PTPRN2: variants seen among roughly 807,000 people sequenced by gnomAD.
The protein encoded by PTPRN2 is protein tyrosine phosphatase receptor type N2.
A neutral mutation model predicts 118.8 loss-of-function variants in PTPRN2; 74 were observed. That is an observed-to-expected ratio of 0.62 (90% CI 0.52 to 0.76). PTPRN2 has a LOEUF of 0.76. PTPRN2 is among the 30% of genes least tolerant of loss of function. The pLI, the probability that PTPRN2 is intolerant of heterozygous loss-of-function variation, is 0.00. For missense variants in PTPRN2, 1,481 were observed against 1,394.4 expected (o/e 1.06, Z -0.99); for synonymous variants, 641 against 608.0 (o/e 1.05, Z -0.80).
At chr7:158,147,336 G>A (rs1375304944) in intron 6 of PTPRN2, among the ~76,000 whole-genome samples, 14 of 96,620 alleles carry the variant, frequency 1.4e-4, no homozygotes, top group Admixed American at 1.0e-3. Flanking sequence ...CCCCCTCACC[G>A]ACACCCCATC....
intron 2 of PTPRN2, among the ~76,000 whole-genome samples, chr7:158,418,956 T>C (rs978089678): frequency 1.3e-5 from 2 of 152,272 alleles, no homozygotes; most frequent in African/African-American, 4.8e-5. Flanking sequence ...TATAAGAGTT[T>C]GTAACGTTTT....
At chr7:157,638,066 A>G (rs1804429535) in intron 14 of PTPRN2, among the ~76,000 whole-genome samples, 1 of 152,250 alleles carries the variant, frequency 6.6e-6, no homozygotes, top group African/African-American at 2.4e-5. Flanking sequence ...CCTAAAACCC[A>G]CAGGCTATAT....
chr7:158,046,689 G>A (rs564898001), intron 11 of PTPRN2, among the ~76,000 whole-genome samples: 7 of 152,316 alleles, frequency 4.6e-5, no homozygotes, highest in Middle Eastern at 3.4e-3. Context: ...AGAGGATGCC[G>A]GGCTGGGTGT....
chr7:158,199,764 T>C (rs1002539614), intron 4 of PTPRN2, among the ~76,000 whole-genome samples: 4 of 152,024 alleles, frequency 2.6e-5, no homozygotes, highest in Non-Finnish European at 5.9e-5. Context: ...CCACCATTTA[T>C]CCAACAAATG....
chr7:157,796,926 GT>G (rs1804904550), intron 12 of PTPRN2, among the ~76,000 whole-genome samples: 1 of 152,192 alleles, frequency 6.6e-6, no homozygotes, highest in Non-Finnish European at 1.5e-5. Context: ...GGGGATTACG[GT>G]TCGACAGGAG....
At chr7:158,116,411 G>A (rs1026886272) in intron 9 of PTPRN2, among the ~76,000 whole-genome samples, 4 of 152,232 alleles carry the variant, frequency 2.6e-5, no homozygotes, top group African/African-American at 9.6e-5. Context: ...CCGACTTCTA[G>A]TGGAAGGTCT....
At position 157,779,667 on chromosome 7, in the gene PTPRN2, G is replaced by T. The variant is rs1307982284; in HGVS notation, c.1789-96730C>A. Among the ~76,000 whole-genome samples the T allele has an allele frequency of 6.6e-6, 1 of 152,184 alleles. No homozygotes were observed. Among genetic ancestry groups the T allele is most frequent in the African/African-American group, 2.4e-5 (1 of 41,454 alleles). ...AAGGCTGACCCTAGACTCTGGCCAG[G>T]ACGAGCTGGGGTGAGGGGCCCCGGC... On this transcript the variant is annotated intron_variant, in intron 12 of 22. Transcript: ENST00000389418. This position sits in a 1 kb window ranked among gnomAD's most constrained non-coding sequence, Gnocchi z 4.7.
At chr7:157,902,453 C>T (rs1467758888) in intron 11 of PTPRN2, among the ~76,000 whole-genome samples, 10 of 144,160 alleles carry the variant, frequency 6.9e-5, no homozygotes, top group African/African-American at 2.3e-4. Flanking sequence ...ACCAGCCCCG[C>T]GGTGGCCTGG....
chr7:157,748,748 G>C (rs1264349953), intron 12 of PTPRN2, among the ~76,000 whole-genome samples: 4 of 126,364 alleles, frequency 3.2e-5, no homozygotes, highest in Admixed American at 7.4e-5. Context: ...GGGCTGTCCG[G>C]GTGATTCTGA....
intron 2 of PTPRN2, among the ~76,000 whole-genome samples, chr7:158,391,032 G>A (rs553094328): frequency 2.6e-5 from 4 of 152,154 alleles, no homozygotes; most frequent in Non-Finnish European, 5.9e-5. Flanking sequence ...TTCCAAATTC[G>A]AGGGGTGGAA....
chr7:158,543,212 C>T (rs138960721), intron 1 of PTPRN2, among the ~76,000 whole-genome samples: 1 of 152,332 alleles, frequency 6.6e-6, no homozygotes, highest in East Asian at 1.9e-4. Context: ...ACAGCACCCC[C>T]GAGCACGGAG....
At chr7:157,832,641 G>C (rs181673853) in intron 12 of PTPRN2, among the ~76,000 whole-genome samples, 14 of 152,312 alleles carry the variant, frequency 9.2e-5, no homozygotes, top group African/African-American at 2.9e-4. Context: ...CTGCACGTGT[G>C]GGGGAGGTGA....
intron 11 of PTPRN2, among the ~76,000 whole-genome samples, chr7:158,076,627 T>C (rs116183327): frequency 0.015 from 2,277 of 152,318 alleles, 62 homozygotes; most frequent in African/African-American, 0.051. Context: ...GCCAGCCTCT[T>C]ACTGGCATGT....
At chr7:158,390,904 G>T (rs927850090) in intron 2 of PTPRN2, among the ~76,000 whole-genome samples, 4 of 152,134 alleles carry the variant, frequency 2.6e-5, no homozygotes, top group African/African-American at 9.7e-5. Context: ...ATCCCCCACG[G>T]GTGCCGCGTC....
intron 1 of PTPRN2, among the ~76,000 whole-genome samples, chr7:158,559,068 C>T (rs1827218769): frequency 6.6e-6 from 1 of 152,186 alleles, no homozygotes; most frequent in Non-Finnish European, 1.5e-5. Context: ...CCCCAGATCC[C>T]GACAGAGCAG....
intron 12 of PTPRN2, among the ~76,000 whole-genome samples, chr7:157,684,559 C>T (rs926167135): frequency 2.0e-5 from 3 of 151,532 alleles, no homozygotes; most frequent in African/African-American, 7.3e-5. Flanking sequence ...CGTGGAGATC[C>T]GGTCCGCGCC....
chr7:158,227,102 C>A (rs116570369), intron 3 of PTPRN2, among the ~76,000 whole-genome samples: 4 of 151,704 alleles, frequency 2.6e-5, no homozygotes, highest in African/African-American at 4.8e-5. Flanking sequence ...GTGCACTGTG[C>A]GTGGATAAAT....
chr7:158,569,036 G>A (rs1198995232), intron 1 of PTPRN2, among the ~76,000 whole-genome samples: 1 of 152,180 alleles, frequency 6.6e-6, no homozygotes, highest in Non-Finnish European at 1.5e-5. Flanking sequence ...TGAGACAGGA[G>A]AATCACTGGA....
chr7:158,043,231 A>G (rs1808599785), intron 11 of PTPRN2, among the ~76,000 whole-genome samples: 1 of 152,248 alleles, frequency 6.6e-6, no homozygotes. Flanking sequence ...GTAATGTGCC[A>G]TGTGGAGGGG....
Sources: gnomAD v4.1 joint callset for allele counts (sites outside exome capture counted in the v4.1 genomes callset) on GRCh38, gnomAD v4.1.1 for gene constraint, Gnocchi (gnomAD v3.1) non-coding constraint, MANE v1.5 for transcripts, NCBI Gene and HGNC (gene_info 2026-07-23, HGNC 2026-07-21) for gene names.